TM9SF2: variants seen among roughly 807,000 people sequenced by gnomAD.
TM9SF2 encodes 76 kDa membrane protein.
A neutral mutation model predicts 84.9 loss-of-function variants in TM9SF2; 13 were observed. The ratio of observed to expected loss-of-function variants is 0.15; its 90% CI spans 0.10 to 0.24. TM9SF2 has a LOEUF of 0.24. Ranked by LOEUF, TM9SF2 falls within the 10% of genes least tolerant of loss-of-function variation. The pLI, the probability that TM9SF2 is intolerant of heterozygous loss-of-function variation, is 1.00. For synonymous variants in TM9SF2, 273 were observed against 285.8 expected, an observed-to-expected ratio of 0.96 and a Z score of 0.45; for missense variants, 562 against 818.5, an observed-to-expected ratio of 0.69 and a Z score of 3.82.
At chr13:99,557,841 G>A (rs1269800202) in intron 15 of TM9SF2, among the ~76,000 whole-genome samples, 3 of 152,038 alleles carry the variant, frequency 2.0e-5, no homozygotes, top group Non-Finnish European at 4.4e-5. Context: ...CAGAACCTGG[G>A]CAACAGAGTG....
At chr13:99,529,984 T>A (rs888545539) in intron 4 of TM9SF2, among the ~76,000 whole-genome samples, 2 of 152,122 alleles carry the variant, frequency 1.3e-5, no homozygotes, top group African/African-American at 4.8e-5. Context: ...CATATAAAAG[T>A]TATGTTTATA....
At chr13:99,560,921 G>C (rs1304278248) in intron 16 of TM9SF2, among the ~76,000 whole-genome samples, 2 of 152,076 alleles carry the variant, frequency 1.3e-5, no homozygotes, top group Non-Finnish European at 2.9e-5. Flanking sequence ...GACCTCAGAC[G>C]ATCTGCCCGC....
chr13:99,552,399 AC>A, intron 13 of TM9SF2, 73 bp downstream of exon 13: 4 of 1,420,230 alleles, frequency 2.8e-6, no homozygotes, highest in Non-Finnish European at 2.9e-6. Flanking sequence ...CTCAAAAGAT[AC>A]CATAAAAGTG....
rs1474590477 is a variant in TM9SF2, at chr13:99,554,365, A to T, written c.1550A>T (p.Tyr517Phe). ...IPRQIPEQSF[Y>F]TKPLPGIIMG... ...CGTCAGATTCCTGAACAGTCGTTCT[A>T]CACGAAGCCCTTGCCTGGTATTATC... Residue 517 changes from tyrosine (Y) to phenylalanine (F), a missense_variant, in exon 14 of 17, where the codon TAC becomes TTC. Coordinates refer to ENST00000376387, the MANE Select transcript of TM9SF2 (RefSeq NM_004800.3). 1.9e-6 allele frequency: 3 copies of T among 1,614,072 alleles called. No homozygotes were observed. The highest frequency in any genetic ancestry group is 2.5e-6 in the Non-Finnish European group (3 of 1,180,026).
At chr13:99,548,735 A>C (rs1219868162) in intron 11 of TM9SF2, among the ~76,000 whole-genome samples, 3 of 152,220 alleles carry the variant, frequency 2.0e-5, no homozygotes, top group African/African-American at 7.2e-5. Flanking sequence ...GTGCTAGAGG[A>C]AGAGTTGGCC....
At position 99,559,442 on chromosome 13, in the gene TM9SF2, T is replaced by A. The variant is rs2046336116; in HGVS notation, c.1832T>A (p.Phe611Tyr). The A allele has an allele frequency of 6.2e-7, 1 of 1,614,120 alleles. No individual in the cohort carries two copies. Among genetic ancestry groups the A allele is most frequent in the Non-Finnish European group, 8.5e-7 (1 of 1,179,984 alleles). The change falls in exon 16 of 17, where the codon TTC becomes TAC. Residue 611 changes from phenylalanine (F) to tyrosine (Y), a missense_variant. Physicochemically the swap from Phe to Tyr is conservative, Grantham distance 22. Transcript: ENST00000376387. ...VYFLIYAVHY[F>Y]FSKLQITGTA... ...TTCTTAATCTATGCAGTACACTACT[T>A]CTTTTCAAAACTGCAGATCACGGGA...
At chr13:99,516,145 A>G (rs1463288652) in intron 1 of TM9SF2, among the ~76,000 whole-genome samples, 1 of 152,190 alleles carries the variant, frequency 6.6e-6, no homozygotes, top group Non-Finnish European at 1.5e-5. Flanking sequence ...CAGTTAGACA[A>G]GTGATGGCCC....
At chr13:99,510,975 A>G (rs1311697862) in intron 1 of TM9SF2, among the ~76,000 whole-genome samples, 1 of 152,066 alleles carries the variant, frequency 6.6e-6, no homozygotes, top group Admixed American at 6.5e-5. Flanking sequence ...TTTCAAATAT[A>G]TTGCAAATTC....
chr13:99,547,148 T>G (rs374351158), intron 11 of TM9SF2, 44 bp downstream of exon 11: 72 of 1,605,894 alleles, frequency 4.5e-5, no homozygotes, highest in Non-Finnish European at 5.9e-5. Flanking sequence ...AGGAAGGGAC[T>G]CTGCTGCGGC....
intron 15 of TM9SF2, among the ~76,000 whole-genome samples, chr13:99,558,865 T>A (rs1357952643): frequency 6.6e-6 from 1 of 152,216 alleles, no homozygotes; most frequent in Non-Finnish European, 1.5e-5. Flanking sequence ...TGTTAAGCTA[T>A]AAGCCACTTA....
intron 3 of TM9SF2, among the ~76,000 whole-genome samples, chr13:99,524,201 G>C (rs1033152642): frequency 2.0e-5 from 3 of 152,182 alleles, no homozygotes; most frequent in Non-Finnish European, 4.4e-5. Context: ...CCTGGCTGCT[G>C]TACTGAGAAT....
At chr13:99,508,714 G>A (rs1024949553) in intron 1 of TM9SF2, among the ~76,000 whole-genome samples, 1 of 152,064 alleles carries the variant, frequency 6.6e-6, no homozygotes, top group African/African-American at 2.4e-5. Flanking sequence ...GTAAAAGCAG[G>A]AGTGAAAGAG....
intron 13 of TM9SF2, 127 bp from the exon 14 acceptor site, chr13:99,554,177 A>T: frequency 8.8e-7 from 1 of 1,140,822 alleles, no homozygotes; most frequent in Non-Finnish European, 1.2e-6. Flanking sequence ...TTGATGTCTT[A>T]AGTAGACTTT....
intron 15 of TM9SF2, 48 bp from the exon 16 acceptor site, chr13:99,559,315 A>T: frequency 6.7e-7 from 1 of 1,482,368 alleles, no homozygotes; most frequent in South Asian, 1.4e-5. Flanking sequence ...GCTACATCTT[A>T]TCTATTAATT....
chr13:99,533,706 T>C (rs1465786572), intron 4 of TM9SF2, among the ~76,000 whole-genome samples: 2 of 152,234 alleles, frequency 1.3e-5, no homozygotes, highest in Non-Finnish European at 2.9e-5. Flanking sequence ...TCTCCCAGGC[T>C]GGAGTGCAGT....
rs528356379 is a variant in TM9SF2, at chr13:99,502,781, G to A, written c.171+1004G>A. On this transcript the variant is annotated intron_variant, in intron 1 of 16. Transcript: ENST00000376387. ...CAATTCAAATAATCGTTCAACAAAC[G>A]TTTACAATCTATAAATAGGCTTATT... Among the ~76,000 whole-genome samples, 4 of 152,208 alleles carry A rather than the reference G, an allele frequency of 2.6e-5. No individual in the cohort carries two copies. In the East Asian group the frequency reaches 7.7e-4, roughly 29 times the overall value.
In TM9SF2 at chr13:99,529,341, A is replaced by C. The variant is rs1021077453; in HGVS notation, c.334-126A>C. On this transcript the variant is annotated intron_variant, in intron 3 of 16. Transcript: ENST00000376387. The stretch of plus-strand genomic sequence containing the variant: ...TGAGCTATGAGGAATTTAAAAATTT[A>C]TTTATTACCAATATTAATGCACTTA... 8.8e-6 allele frequency: 7 copies of C among 793,996 alleles called. No individual in the cohort carries two copies. In the Admixed American group the frequency reaches 1.8e-4, roughly 20 times the overall value. 49.2% of individuals were successfully genotyped at this position (793,996 alleles called of 1,614,324 possible).
chr13:99,509,830 T>G (rs1455006590), intron 1 of TM9SF2, among the ~76,000 whole-genome samples: 2 of 152,248 alleles, frequency 1.3e-5, no homozygotes, highest in Non-Finnish European at 2.9e-5. Context: ...CCCCACAGCC[T>G]GCTTGAATTT....
intron 9 of TM9SF2, among the ~76,000 whole-genome samples, chr13:99,542,736 T>A (rs1465867570): frequency 6.6e-6 from 1 of 152,194 alleles, no homozygotes; most frequent in Non-Finnish European, 1.5e-5. Context: ...TTAAAATGAT[T>A]TTAAAATACT....
Sources: allele counts gnomAD v4.1 joint callset (sites outside exome capture counted in the v4.1 genomes callset), GRCh38; gene constraint gnomAD v4.1.1; transcripts MANE v1.5; gene names NCBI Gene and HGNC (gene_info 2026-07-23, HGNC 2026-07-21).